Variants in BEND6 observed in about 807,000 individuals in gnomAD.
BEND6 encodes BEN domain containing 6.
In BEND6, 24 loss-of-function variants were observed where a neutral mutation model predicts 31.8. The ratio of observed to expected loss-of-function variants is 0.75; its 90% CI spans 0.55 to 1.06. The LOEUF (loss-of-function observed/expected upper bound fraction) is 1.06, where lower values mean the gene tolerates loss of function less well. BEND6 is among the 50% of genes least tolerant of loss of function. BEND6 has a pLI of 0.00. For missense variants in BEND6, 294 were observed against 327.4 expected (o/e 0.90, Z 0.79); for synonymous variants, 109 against 114.6 (o/e 0.95, Z 0.31).
chr6:57,020,833 G>GT (rs74271470), intron 6 of BEND6, among the ~76,000 whole-genome samples: 22,224 of 137,412 alleles, frequency 0.16, 2,021 homozygotes, highest in African/African-American at 0.26. Context: ...CTAAACTCTT[G>GT]TTTTTTTTTT....
chr6:56,977,977 C>A (rs983966657), intron 1 of BEND6, among the ~76,000 whole-genome samples: 1 of 150,558 alleles, frequency 6.6e-6, no homozygotes, highest in African/African-American at 2.4e-5. Flanking sequence ...AAAGGGTGTA[C>A]AATTCAACCA....
At chr6:56,966,093 T>TTTTG (rs901176469) in intron 1 of BEND6, among the ~76,000 whole-genome samples, 22 of 152,066 alleles carry the variant, frequency 1.4e-4, no homozygotes, top group East Asian at 3.9e-4. Flanking sequence ...GTGGTTTGTT[T>TTTTG]TTTGTTTGTT....
chr6:56,992,600 A>G (rs1466950736), intron 3 of BEND6, 45 bp downstream of exon 3: 3 of 1,567,770 alleles, frequency 1.9e-6, no homozygotes, highest in Admixed American at 3.7e-5. Flanking sequence ...GGGAAAGTAT[A>G]TGATCAGTGG....
chr6:57,013,814 A>G (rs1827431651), intron 3 of BEND6: 1 of 152,268 alleles, frequency 6.6e-6, no homozygotes, highest in Admixed American at 6.5e-5. Flanking sequence ...GTAAGCTCCA[A>G]AACGACATGG....
intron 1 of BEND6, among the ~76,000 whole-genome samples, chr6:56,960,452 G>A (rs1036541677): frequency 1.2e-4 from 18 of 152,130 alleles, no homozygotes; most frequent in African/African-American, 3.1e-4. Context: ...AGTAAGGTAG[G>A]AGCTTTATTA....
chr6:56,957,216 A>G (rs1271273212), intron 1 of BEND6, among the ~76,000 whole-genome samples: 1 of 152,248 alleles, frequency 6.6e-6, no homozygotes, highest in Non-Finnish European at 1.5e-5. Context: ...TTTCAAGTGC[A>G]CACAAGAACA....
At chr6:56,977,517 A>T (rs902454560) in intron 1 of BEND6, among the ~76,000 whole-genome samples, 1 of 152,258 alleles carries the variant, frequency 6.6e-6, no homozygotes, top group Non-Finnish European at 1.5e-5. Context: ...GGGACTTATG[A>T]AAATGTAAAG....
intron 3 of BEND6, among the ~76,000 whole-genome samples, chr6:57,014,245 G>A (rs1020412038): frequency 1.3e-5 from 2 of 152,178 alleles, no homozygotes; most frequent in Non-Finnish European, 2.9e-5. Context: ...TTCTTCTTTA[G>A]TAGATTTTCC....
intron 1 of BEND6, chr6:56,975,665 A>C: frequency 2.4e-6 from 1 of 418,616 alleles, no homozygotes; most frequent in Non-Finnish European, 4.7e-6. Context: ...GAAAAAACTC[A>C]GTAGGACACA....
chr6:56,956,054 G>C (rs2127833945), intron 1 of BEND6, among the ~76,000 whole-genome samples: 1 of 152,364 alleles, frequency 6.6e-6, no homozygotes, highest in African/African-American at 2.4e-5. Flanking sequence ...TCATTCTGCG[G>C]CATCTTGCGG....
intron 3 of BEND6, among the ~76,000 whole-genome samples, chr6:56,995,761 G>A (rs1202615933): frequency 1.3e-5 from 2 of 152,138 alleles, no homozygotes; most frequent in Non-Finnish European, 2.9e-5. Context: ...GATTACATCT[G>A]TAAAAACCCT....
chr6:56,978,177 G>A (rs956527351), intron 1 of BEND6, among the ~76,000 whole-genome samples: 2 of 151,848 alleles, frequency 1.3e-5, no homozygotes, highest in Non-Finnish European at 2.9e-5. Flanking sequence ...CAGCTACTCT[G>A]GAGACTGAGG....
intron 1 of BEND6, among the ~76,000 whole-genome samples, chr6:56,967,894 A>C (rs750112897): frequency 2.0e-5 from 3 of 152,254 alleles, no homozygotes; most frequent in Non-Finnish European, 4.4e-5. Flanking sequence ...CAGCTCCCTC[A>C]TCTGTAAAGT....
At position 57,026,533 on chromosome 6, in the gene BEND6, G is replaced by A. The variant is rs927130483; in HGVS notation, c.*461G>A. 6.6e-6 allele frequency: 1 copy of A among 152,146 alleles called. No homozygotes were observed. The highest frequency in any genetic ancestry group is 1.5e-5 in the Non-Finnish European group (1 of 68,034). The allele number at this position is 152,146 out of a possible 1,614,324, so 9.4% of individuals were successfully genotyped here. A position where few individuals can be genotyped will look rare whatever the true frequency, so the allele number is the denominator to read the frequency against. ...GGATCTTTAGCATAAGCACATGCTT[G>A]CAAAAGTAAACAGTGAAATAATTAA... is the stretch of plus-strand genomic sequence containing the variant. On this transcript the variant is annotated 3_prime_UTR_variant, in exon 7 of 7. Coordinates refer to ENST00000370746, the MANE Select transcript of BEND6 (RefSeq NM_152731.3).
At chr6:56,968,156 A>G (rs1446962289) in intron 1 of BEND6, among the ~76,000 whole-genome samples, 2 of 152,198 alleles carry the variant, frequency 1.3e-5, no homozygotes, top group South Asian at 2.1e-4. Context: ...ATCACTGCTT[A>G]TTCATTCAAT....
intron 3 of BEND6, among the ~76,000 whole-genome samples, chr6:57,007,342 GA>G (rs1430359513): frequency 6.6e-6 from 1 of 151,124 alleles, no homozygotes; most frequent in African/African-American, 2.4e-5. Context: ...TTTGCAGAAT[GA>G]AACTAGACCC....
At chr6:57,023,066 C>T (rs1183239130) in intron 6 of BEND6, among the ~76,000 whole-genome samples, 2 of 152,078 alleles carry the variant, frequency 1.3e-5, no homozygotes, top group Admixed American at 1.3e-4. Context: ...GGAGAACGTG[C>T]CATGTGTTAA....
rs761089380 is a variant in BEND6, at chr6:57,015,198, G to A, written c.364G>A (p.Gly122Arg). Reference sequence around the variant, plus strand: ...TATGGCCGAGGCTCTGCTTAAGGGTGGGGGAACCATGTCTACATCTGCATC... The same window carrying A: ...TATGGCCGAGGCTCTGCTTAAGGGTAGGGGAACCATGTCTACATCTGCATC... ...VGMAEALLKG[G>R]GTMSTSASTL... Residue 122 changes from glycine to arginine, a missense_variant, in exon 4 of 7, where the codon GGG (glycine) becomes AGG (arginine). Gly to Arg is a moderately radical substitution (Grantham distance 125). Coordinates refer to ENST00000370746, the MANE Select transcript of BEND6 (RefSeq NM_152731.3). The A allele has an allele frequency of 6.2e-7, 1 of 1,614,164 alleles. No individual in the cohort carries two copies. The highest frequency in any genetic ancestry group is 8.5e-7 in the Non-Finnish European group (1 of 1,180,026).
At chr6:56,968,887 A>G (rs1315509872) in intron 1 of BEND6, among the ~76,000 whole-genome samples, 1 of 152,004 alleles carries the variant, frequency 6.6e-6, no homozygotes, top group Non-Finnish European at 1.5e-5. Flanking sequence ...CATCCTGGCT[A>G]ACACGGTGAA....
Sources: gnomAD v4.1 joint callset for allele counts (sites outside exome capture counted in the v4.1 genomes callset) on GRCh38, gnomAD v4.1.1 for gene constraint, MANE v1.5 for transcripts, NCBI Gene and HGNC (gene_info 2026-07-23, HGNC 2026-07-21) for gene names.